Variants in DDX60 observed in about 807,000 individuals in gnomAD.
DDX60 encodes DExD/H-box helicase 60.
DDX60 carries 165 observed loss-of-function variants against 212.8 expected under a neutral mutation model. That is an observed-to-expected ratio of 0.78 (90% CI 0.68 to 0.88). The LOEUF (loss-of-function observed/expected upper bound fraction) is 0.88, where lower values mean the gene tolerates loss of function less well. DDX60 is among the 40% of genes least tolerant of loss of function. The pLI is 0.00. For synonymous variants in DDX60, 703 were observed against 685.3 expected (o/e 1.03, Z -0.40); for missense variants, 1,905 against 2,003.9 (o/e 0.95, Z 0.94).
chr4:168,242,501 C>T (rs562004159), intron 30 of DDX60, among the ~76,000 whole-genome samples: 4 of 152,308 alleles, frequency 2.6e-5, no homozygotes, highest in South Asian at 4.1e-4. Flanking sequence ...GGATGTGAGA[C>T]ATGGAGTCAA....
rs1185762615 is a variant in DDX60 at position 168,283,543 on chromosome 4, T to C, written c.1625A>G (p.Tyr542Cys). 2 of 1,613,426 alleles carry C rather than the reference T, an allele frequency of 1.2e-6. No homozygotes were observed. Among genetic ancestry groups the C allele is most frequent in the Non-Finnish European group, 1.7e-6 (2 of 1,179,618 alleles). The change falls in exon 13 of 38, where the codon TAT becomes TGT. Residue 542 changes from tyrosine to cysteine, a missense_variant. Tyr to Cys is a radical substitution (Grantham distance 194). Coordinates refer to ENST00000393743, the MANE Select transcript of DDX60 (RefSeq NM_017631.6). ...AGAGACTGTTTCTAATGAATTCCCA[T>C]AAAACCGTTGGAAAACATGATACTT... Reference protein sequence around the residue: ...VQKYHVFQRFYGNSLETVSSK... With the variant: ...VQKYHVFQRFCGNSLETVSSK...
At chr4:168,279,592 T>C (rs1180873416) in intron 14 of DDX60, among the ~76,000 whole-genome samples, 2 of 152,244 alleles carry the variant, frequency 1.3e-5, no homozygotes, top group Non-Finnish European at 2.9e-5. Flanking sequence ...GAAGAATTTA[T>C]GGAGTAAAGT....
chr4:168,285,602 T>C (rs1460556865), intron 10 of DDX60, 104 bp from the exon 11 acceptor site: 8 of 688,056 alleles, frequency 1.2e-5, no homozygotes, highest in African/African-American at 5.4e-5. Flanking sequence ...ACATTTTATA[T>C]TAATCTTATT....
intron 8 of DDX60, among the ~76,000 whole-genome samples, 175 bp downstream of exon 8, chr4:168,291,573 T>A (rs1736103139): frequency 6.6e-6 from 1 of 152,238 alleles, no homozygotes; most frequent in Admixed American, 6.5e-5. Flanking sequence ...ATGCTATTTG[T>A]TAGTTCTCCT....
intron 22 of DDX60, among the ~76,000 whole-genome samples, chr4:168,264,179 T>C (rs988773692): frequency 6.6e-6 from 1 of 152,198 alleles, no homozygotes; most frequent in African/African-American, 2.4e-5. Flanking sequence ...CTGTAAATGC[T>C]AGTTCCTCAT....
chr4:168,320,373 G>A (rs983446569), upstream of DDX60, among the ~76,000 whole-genome samples: 7 of 152,286 alleles, frequency 4.6e-5, no homozygotes, highest in South Asian at 1.2e-3. Flanking sequence ...AGAATGTGGG[G>A]ACACTACACA....
At chr4:168,236,486 C>A in intron 32 of DDX60, 113 bp from the exon 33 acceptor site, 1 of 912,712 alleles carries the variant, frequency 1.1e-6, no homozygotes, top group Non-Finnish European at 1.6e-6. Flanking sequence ...AAATTTATGA[C>A]AAACATAGCA....
chr4:168,276,206 T>C (rs1471722003), intron 14 of DDX60, 25 bp from the exon 15 acceptor site: 1 of 1,562,460 alleles, frequency 6.4e-7, no homozygotes, highest in African/African-American at 1.4e-5. Flanking sequence ...AACAATAAAA[T>C]TGTTATAAAG....
rs1380555765 is a variant in DDX60 at position 168,221,726 on chromosome 4, A to C, written c.4976+4T>G. 6.2e-7 allele frequency: 1 copy of C among 1,603,480 alleles called. No homozygotes were observed. Among genetic ancestry groups the C allele is most frequent in the Non-Finnish European group, 8.5e-7 (1 of 1,171,924 alleles). ...AGAAACAGAGACAGACAGAGAGGAC[A>C]TACCTGTTATCCTGGACTAATCCTA... On this transcript the variant is annotated splice_donor_region_variant and intron_variant, in intron 36 of 37. Coordinates refer to ENST00000393743, the MANE Select transcript of DDX60 (RefSeq NM_017631.6).
chr4:168,221,178 T>C (rs1027581004), intron 36 of DDX60, among the ~76,000 whole-genome samples: 2 of 152,122 alleles, frequency 1.3e-5, no homozygotes, highest in African/African-American at 4.8e-5. Context: ...AAAAACAAAA[T>C]TGGTTTCCTG....
intron 24 of DDX60, among the ~76,000 whole-genome samples, chr4:168,261,669 C>G (rs1734628530): frequency 6.6e-6 from 1 of 152,134 alleles, no homozygotes; most frequent in Non-Finnish European, 1.5e-5. Context: ...ACAATCTTCT[C>G]AGAGACTGTT....
chr4:168,276,185 GATAAACA>G lies in DDX60; in HGVS notation c.1979-11_1979-5del. On this transcript the variant is annotated splice_region_variant and splice_polypyrimidine_tract_variant and intron_variant, in intron 14 of 37. Coordinates refer to ENST00000393743, the MANE Select transcript of DDX60 (RefSeq NM_017631.6). ...CTTAAATCTTTCGTGGTTTTACCTT[GATAAACA>G]ATAAACAATAAAATTGTTATAAAGA... The G allele has an allele frequency of 6.3e-7, 1 of 1,590,366 alleles. No individual in the cohort carries two copies. The highest frequency in any genetic ancestry group is 8.6e-7 in the Non-Finnish European group (1 of 1,165,796).
chr4:168,310,597 AAGATAGACAAT>A (rs1052655367), intron 3 of DDX60, among the ~76,000 whole-genome samples: 1 of 152,194 alleles, frequency 6.6e-6, no homozygotes, highest in Non-Finnish European at 1.5e-5. Flanking sequence ...GTCCAGCTAC[AAGATAGACAAT>A]AGATAGGATG....
At chr4:168,268,770 C>T (rs1187529980) in intron 20 of DDX60, 84 bp downstream of exon 20, 4 of 732,310 alleles carry the variant, frequency 5.5e-6, no homozygotes, top group Non-Finnish European at 8.5e-6. Context: ...AATTATGAAA[C>T]TCCTCAGAAT....
chr4:168,317,155 C>T (rs1275171429), intron 1 of DDX60, among the ~76,000 whole-genome samples: 1 of 151,308 alleles, frequency 6.6e-6, no homozygotes, highest in East Asian at 1.9e-4. Flanking sequence ...AATTTAGAGG[C>T]CAGCAAAATA....
intron 22 of DDX60, among the ~76,000 whole-genome samples, chr4:168,264,544 TGCTA>T (rs35094153): frequency 0.41 from 62,555 of 151,616 alleles, 13,655 homozygotes; most frequent in African/African-American, 0.58. Context: ...TGTTTTTGGT[TGCTA>T]GCTAGAATGC....
At position 168,251,045 on chromosome 4, in the gene DDX60, A is replaced by G. The variant is rs747290549; in HGVS notation, c.3767T>C (p.Leu1256Ser). Residue 1256 changes from leucine to serine, a missense_variant, in exon 28 of 38, where the codon TTG becomes TCG. Transcript: ENST00000393743. Reference protein sequence around the residue: ...FERKGEELKALAERGIGYHHS... With the variant: ...FERKGEELKASAERGIGYHHS... The stretch of plus-strand genomic sequence containing the variant: ...ATGATATCCAATACCCCTTTCTGCC[A>G]AGGCTTTCAATTCTTCACCTTTTCT... The G allele has an allele frequency of 6.2e-7, 1 of 1,613,626 alleles. No individual in the cohort carries two copies.
chr4:168,248,247 A>G lies in DDX60; in HGVS notation c.3904T>C (p.Cys1302Arg). ...GTLALGVNMP[C>R]KSVVFAQNSV... ...TTTTGAGCAAAAACCACAGATTTAC[A>G]AGGCATGTTGACACCTAAAGCAAGT... is the stretch of plus-strand genomic sequence containing the variant. The change falls in exon 29 of 38, where the codon TGT becomes CGT. Residue 1302 changes from cysteine (C) to arginine (R), a missense_variant. Coordinates refer to ENST00000393743, the MANE Select transcript of DDX60 (RefSeq NM_017631.6). 1 of 1,611,022 alleles carries G rather than the reference A, an allele frequency of 6.2e-7. No individual in the cohort carries two copies.
At chr4:168,248,336 AT>A (rs1734093879) in intron 28 of DDX60, 44 bp from the exon 29 acceptor site, 37 of 1,392,864 alleles carry the variant, frequency 2.7e-5, no homozygotes, top group Non-Finnish European at 3.5e-5. Flanking sequence ...TAGCATTTTA[AT>A]AGAATGCAAG....
Sources: gnomAD v4.1 joint callset for allele counts (sites outside exome capture counted in the v4.1 genomes callset) on GRCh38, gnomAD v4.1.1 for gene constraint, MANE v1.5 for transcripts, NCBI Gene and HGNC (gene_info 2026-07-23, HGNC 2026-07-21) for gene names.